The following PRKG1 variants were observed in gnomAD, a reference collection of about 807,000 sequenced individuals.
PRKG1 encodes the protein cGMP-dependent protein kinase 1.
A neutral mutation model predicts 88.1 loss-of-function variants in PRKG1; 35 were observed. That is an observed-to-expected ratio of 0.40 (90% confidence interval 0.30 to 0.53). PRKG1 has a LOEUF of 0.53. Ranked by LOEUF, PRKG1 falls within the 20% of genes least tolerant of loss-of-function variation. The pLI, the probability that PRKG1 is intolerant of heterozygous loss-of-function variation, is 0.59. For missense variants in PRKG1, 540 were observed against 839.8 expected (o/e 0.64, Z 4.41); for synonymous variants, 303 against 292.5 (o/e 1.04, Z -0.37).
chr10:51,578,261 A>G (rs1837938302), intron 3 of PRKG1, among the ~76,000 whole-genome samples: 2 of 152,132 alleles, frequency 1.3e-5, no homozygotes, highest in Non-Finnish European at 2.9e-5. Flanking sequence ...TAGCTTGAAG[A>G]CTTAACTCCA....
chr10:52,175,060 G>A (rs1427303423), intron 9 of PRKG1, among the ~76,000 whole-genome samples: 1 of 151,940 alleles, frequency 6.6e-6, no homozygotes, highest in Non-Finnish European at 1.5e-5. Flanking sequence ...ATCCTACAAT[G>A]ATATAGAACA....
intron 9 of PRKG1, among the ~76,000 whole-genome samples, chr10:52,167,253 G>T (rs1838505953): frequency 6.6e-6 from 1 of 152,050 alleles, no homozygotes; most frequent in East Asian, 1.9e-4. Context: ...CAAGGGAGAT[G>T]CCAGGCTTTC....
At position 51,309,046 on chromosome 10, in the gene PRKG1, G is replaced by C. The variant is rs375811780; in HGVS notation, c.478+155716G>C. On this transcript the variant is annotated intron_variant, in intron 2 of 17. Coordinates refer to ENST00000373980, the MANE Select transcript of PRKG1 (RefSeq NM_006258.4). Reference sequence around the variant, plus strand: ...TCAAAAAGACAGCCAAGCAGGAAGGGGTAAGTTCCTTCTCCCTCTCTTGCC... The same window carrying C: ...TCAAAAAGACAGCCAAGCAGGAAGGCGTAAGTTCCTTCTCCCTCTCTTGCC... 1.5e-4 allele frequency among the ~76,000 whole-genome samples: 23 copies of C among 152,168 alleles called. 1 individual carries two copies. Among genetic ancestry groups the C allele is most frequent in the African/African-American group, 5.3e-4 (22 of 41,516 alleles).
intron 8 of PRKG1, among the ~76,000 whole-genome samples, chr10:52,140,102 A>G (rs184324483): frequency 2.0e-5 from 3 of 152,328 alleles, no homozygotes; most frequent in Non-Finnish European, 4.4e-5. Flanking sequence ...TCATTAAAAC[A>G]TGTAAAAATC....
chr10:52,250,476 T>C (rs1334998524), intron 9 of PRKG1, among the ~76,000 whole-genome samples: 2 of 152,182 alleles, frequency 1.3e-5, no homozygotes, highest in African/African-American at 4.8e-5. Context: ...CACAGCTTAA[T>C]GTTAAACATA....
At chr10:51,377,918 G>A (rs1408381395) in intron 2 of PRKG1, among the ~76,000 whole-genome samples, 1 of 152,198 alleles carries the variant, frequency 6.6e-6, no homozygotes, top group Non-Finnish European at 1.5e-5. Flanking sequence ...GGCCTCTGAA[G>A]GTTGAGAGAC....
intron 3 of PRKG1, among the ~76,000 whole-genome samples, chr10:51,762,727 A>C (rs1235195411): frequency 1.3e-5 from 2 of 152,206 alleles, no homozygotes; most frequent in Non-Finnish European, 2.9e-5. Flanking sequence ...ATTGCTACTT[A>C]ATTATAAACA....
intron 3 of PRKG1, among the ~76,000 whole-genome samples, chr10:51,576,028 A>G (rs938569273): frequency 6.6e-6 from 1 of 152,006 alleles, no homozygotes; most frequent in Admixed American, 6.6e-5. Flanking sequence ...CTTAGGTCTT[A>G]CTGTGTGCCA....
chr10:51,103,460 A>G (rs1206680216), intron 1 of PRKG1, among the ~76,000 whole-genome samples: 2 of 152,246 alleles, frequency 1.3e-5, no homozygotes, highest in Non-Finnish European at 2.9e-5. Context: ...ATTCTCAAGA[A>G]AAATGAATTT....
chr10:52,115,059 A>G (rs1847655378), intron 7 of PRKG1, among the ~76,000 whole-genome samples: 1 of 152,138 alleles, frequency 6.6e-6, no homozygotes, highest in South Asian at 2.1e-4. Context: ...GGAAAGGAAG[A>G]TTTATTGGTA....
At chr10:51,639,367 G>C (rs555081031) in intron 3 of PRKG1, among the ~76,000 whole-genome samples, 1 of 142,086 alleles carries the variant, frequency 7.0e-6, no homozygotes, top group African/African-American at 2.6e-5. Flanking sequence ...CTCGGAGGCC[G>C]AGCTTGCAGT....
chr10:51,742,866 T>C (rs1336738785), intron 3 of PRKG1, among the ~76,000 whole-genome samples: 2 of 151,872 alleles, frequency 1.3e-5, no homozygotes, highest in African/African-American at 4.8e-5. Flanking sequence ...CCAGGAAAAG[T>C]TGGCTGCCCT....
At chr10:51,562,043 C>T (rs1044943652) in intron 3 of PRKG1, among the ~76,000 whole-genome samples, 3 of 151,674 alleles carry the variant, frequency 2.0e-5, no homozygotes, top group African/African-American at 4.8e-5. Context: ...GCCAACATGA[C>T]GAAAACCCCA....
intron 10 of PRKG1, among the ~76,000 whole-genome samples, chr10:52,270,712 G>A (rs946006977): frequency 8.2e-6 from 1 of 121,262 alleles, no homozygotes; most frequent in East Asian, 2.7e-4. Flanking sequence ...ACACACTGGG[G>A]ACTGTTGTGG....
intron 3 of PRKG1, among the ~76,000 whole-genome samples, chr10:51,732,010 C>A (rs945174461): frequency 7.4e-6 from 1 of 135,904 alleles, no homozygotes; most frequent in African/African-American, 2.8e-5. Flanking sequence ...CCTCCGCCCC[C>A]GTCCCTCCCT....
chr10:51,009,948 G>T (rs990802728), intron 1 of PRKG1, among the ~76,000 whole-genome samples: 61 of 152,226 alleles, frequency 4.0e-4, no homozygotes, highest in African/African-American at 1.4e-3. Flanking sequence ...AGAGATTTTG[G>T]AAAGTTTCTC....
chr10:51,496,011 A>T (rs1589016874), intron 3 of PRKG1, among the ~76,000 whole-genome samples: 1 of 152,186 alleles, frequency 6.6e-6, no homozygotes, highest in African/African-American at 2.4e-5. Context: ...AGTACCTTAG[A>T]TTTTTTTAAC....
chr10:52,290,804 T>G (rs1842221814), intron 17 of PRKG1, among the ~76,000 whole-genome samples: 1 of 152,110 alleles, frequency 6.6e-6, no homozygotes, highest in South Asian at 2.1e-4. Flanking sequence ...TACAGTGAGC[T>G]GTGATTGTAC....
chr10:51,735,686 G>A (rs988686202), intron 3 of PRKG1, among the ~76,000 whole-genome samples: 1 of 151,598 alleles, frequency 6.6e-6, no homozygotes, highest in Non-Finnish European at 1.5e-5. Context: ...AAATTATCTC[G>A]AGTAGTTATA....
Sources: allele counts gnomAD v4.1 joint callset (sites outside exome capture counted in the v4.1 genomes callset), GRCh38; gene constraint gnomAD v4.1.1; transcripts MANE v1.5; gene names NCBI Gene and HGNC (gene_info 2026-07-23, HGNC 2026-07-21).